The following OGDHL variants were observed in gnomAD, a reference collection of about 807,000 sequenced individuals.
OGDHL encodes 2-oxoglutarate dehydrogenase-like, mitochondrial.
OGDHL carries 79 observed loss-of-function variants against 109.6 expected under a neutral mutation model. The ratio of observed to expected loss-of-function variants is 0.72; its 90% CI spans 0.60 to 0.87. OGDHL has a LOEUF of 0.87. Among genes scored for constraint, OGDHL ranks in the 40% least tolerant of loss-of-function variants. The probability of loss-of-function intolerance (pLI) is 0.00; values close to 1 mark genes in which losing one functional copy is unlikely to be tolerated. For synonymous variants in OGDHL, 528 were observed against 537.2 expected (o/e 0.98, Z 0.24); for missense variants, 1,275 against 1,362.2 (o/e 0.94, Z 1.01).
Position 49,750,971 on chromosome 10 carries a change from A to T in OGDHL, c.764T>A (p.Leu255Gln). 6.2e-7 allele frequency: 1 copy of T among 1,605,542 alleles called. No individual in the cohort carries two copies. Among genetic ancestry groups the T allele is most frequent in the Non-Finnish European group, 8.5e-7 (1 of 1,174,444 alleles). Residue 255 changes from leucine (L) to glutamine (Q), a missense_variant, in exon 7 of 23, where the codon CTG (leucine) becomes CAG (glutamine). Leu to Gln is a moderately radical substitution (Grantham distance 113). Transcript: ENST00000374103. The part of the protein sequence containing the change: ...LVRSMRFEDF[L>Q]ARKWSSEKRF... Reference sequence around the variant, plus strand: ...CTTCTCTGAGGACCATTTCCGGGCCAGGAAGTCTTCAAACCTGCTTGGGGA... The same window carrying T: ...CTTCTCTGAGGACCATTTCCGGGCCTGGAAGTCTTCAAACCTGCTTGGGGA...
At chr10:49,758,218 G>A (rs2132267802) in intron 2 of OGDHL, among the ~76,000 whole-genome samples, 171 bp downstream of exon 2, 1 of 152,332 alleles carries the variant, frequency 6.6e-6, no homozygotes, top group Non-Finnish European at 1.5e-5. Context: ...CCCACTGGCT[G>A]ATTCAGCAAA....
At chr10:49,750,607 G>A (rs1829324377) in intron 7 of OGDHL, among the ~76,000 whole-genome samples, 1 of 152,206 alleles carries the variant, frequency 6.6e-6, no homozygotes, top group Non-Finnish European at 1.5e-5. Flanking sequence ...CATGGCCAGG[G>A]AGAGAGGGTG....
rs1286214668 is a variant in OGDHL at position 49,752,180 on chromosome 10, C to A, written c.547G>T (p.Gly183Cys). The A allele has an allele frequency of 1.9e-6, 3 of 1,614,020 alleles. No individual in the cohort carries two copies. In the Admixed American group the frequency reaches 5.0e-5, roughly 27 times the overall value. ...FQLPTTTFIG[G>C]SENTLSLREI... The stretch of plus-strand genomic sequence containing the variant: ...CGCAGAGAGAGGGTGTTTTCAGAGC[C>A]CCCAATGAAGGTGGTTGTCGGCAGC... Residue 183 changes from glycine (G) to cysteine (C), a missense_variant, in exon 5 of 23, where the codon GGC becomes TGC. Gly to Cys is a radical substitution (Grantham distance 159). Transcript: ENST00000374103.
chr10:49,762,018 G>C (rs1359801251), intron 1 of OGDHL, among the ~76,000 whole-genome samples: 3 of 152,166 alleles, frequency 2.0e-5, no homozygotes, highest in African/African-American at 7.2e-5. Flanking sequence ...CGGGTGGTAC[G>C]CGCGCGATGG....
At chr10:49,760,737 T>A (rs1843220899) in intron 1 of OGDHL, among the ~76,000 whole-genome samples, 1 of 152,234 alleles carries the variant, frequency 6.6e-6, no homozygotes, top group Non-Finnish European at 1.5e-5. Context: ...TGCAAGAGGC[T>A]AAGCTGGCTA....
chr10:49,756,611 T>G, intron 3 of OGDHL, 165 bp downstream of exon 3: 1 of 607,960 alleles, frequency 1.6e-6, no homozygotes, highest in Non-Finnish European at 2.7e-6. Flanking sequence ...CTCTGAATGG[T>G]GATGTGGCAA....
At position 49,758,588 on chromosome 10, in the gene OGDHL, C is replaced by T. The variant is rs780968077; in HGVS notation, c.5G>A (p.Ser2Asn). The T allele has an allele frequency of 3.7e-6, 6 of 1,613,624 alleles. No homozygotes were observed. The Admixed American group carries it at 1.0e-4, about 27-fold the overall frequency. The change falls in exon 2 of 23, where the codon AGT becomes AAT. Residue 2 changes from serine (S) to asparagine (N), a missense_variant. Ser to Asn is a conservative substitution (Grantham distance 46). Transcript: ENST00000374103. M[S>N]QLRLLPSRLG... ...ACGGGACGGCAGCAGCCTCAGCTGA[C>T]TCATTCTGGACACAGGCAATGAAGG...
chr10:49,751,213 C>T (rs574149289), intron 6 of OGDHL, among the ~76,000 whole-genome samples: 3 of 152,244 alleles, frequency 2.0e-5, no homozygotes, highest in African/African-American at 7.2e-5. Context: ...CTGAACCAAA[C>T]GCCTCTGCCT....
chr10:49,743,022 C>A (rs1841905321), intron 14 of OGDHL, 44 bp from the exon 15 acceptor site: 3 of 1,599,480 alleles, frequency 1.9e-6, no homozygotes, highest in Non-Finnish European at 2.6e-6. Context: ...GGACAGCCAG[C>A]CCTGGGGCGG....
At chr10:49,758,772 G>A (rs1288938789) in intron 1 of OGDHL, 179 bp from the exon 2 acceptor site, 3 of 646,556 alleles carry the variant, frequency 4.6e-6, no homozygotes, top group African/African-American at 1.8e-5. Flanking sequence ...ACTGTCTGGT[G>A]GAAGCTCCCA....
intron 3 of OGDHL, 61 bp from the exon 4 acceptor site, chr10:49,752,801 G>A: frequency 8.2e-7 from 1 of 1,213,844 alleles, no homozygotes; most frequent in Non-Finnish European, 1.2e-6. Flanking sequence ...CTCCTCCAGG[G>A]TAAGGCTCTG....
intron 3 of OGDHL, among the ~76,000 whole-genome samples, chr10:49,755,007 G>A (rs1303661869): frequency 6.6e-6 from 1 of 152,182 alleles, no homozygotes; most frequent in Non-Finnish European, 1.5e-5. Flanking sequence ...ACTTTGGGAG[G>A]CCAAGGCGGG....
chr10:49,748,336 G>A (rs1394119892), intron 8 of OGDHL, among the ~76,000 whole-genome samples: 1 of 152,186 alleles, frequency 6.6e-6, no homozygotes, highest in Non-Finnish European at 1.5e-5. Context: ...TGGCCTCTTA[G>A]AAATAAGGTT....
rs1257243912 is a variant in OGDHL at position 49,737,945 on chromosome 10, A to G, written c.2517+2T>C. On this transcript the variant is annotated splice_donor_variant, in intron 19 of 22. Transcript: ENST00000374103. LOFTEE classifies it high-confidence loss of function. ...GACCCCTGCCCTGGGACGGAGACTC[A>G]CCGGCTTGCGGAAGGGCAGCAGGAT... The G allele has an allele frequency of 1.2e-6, 2 of 1,613,920 alleles. No individual in the cohort carries two copies. Among genetic ancestry groups the G allele is most frequent in the African/African-American group, 2.7e-5 (2 of 74,880 alleles).
chr10:49,738,169 T>G, intron 18 of OGDHL, 22 bp downstream of exon 18: 9 of 1,614,098 alleles, frequency 5.6e-6, no homozygotes, highest in Non-Finnish European at 6.8e-6. Flanking sequence ...GTCCCTGTCC[T>G]GGGGACAGCA....
rs1479355030 is a variant in OGDHL, at chr10:49,749,784, C to T, written c.929G>A (p.Arg310His). Residue 310 changes from arginine to histidine, a missense_variant, in exon 8 of 23, where the codon CGC becomes CAC. Arg to His is a conservative substitution (Grantham distance 29). Coordinates refer to ENST00000374103, the MANE Select transcript of OGDHL (RefSeq NM_018245.3). ...GRLNVLANVI[R>H]KDLEQIFCQF... is the part of the protein sequence containing the mutation. ...GCAGAAGATCTGCTCCAGGTCCTTG[C>T]GGATCACGTTGGCCAGCACGTTCAG... is the stretch of plus-strand genomic sequence containing the variant. 1.3e-5 allele frequency: 21 copies of T among 1,600,620 alleles called. No individual in the cohort carries two copies. Among genetic ancestry groups the T allele is most frequent in the East Asian group, 4.5e-5 (2 of 44,572 alleles).
Position 49,752,896 on chromosome 10 carries a change from C to A in OGDHL, c.376-156G>T, listed in dbSNP as rs193289788. The stretch of plus-strand genomic sequence containing the variant: ...GGCTACTTCACTGCTGCCTGCGAGA[C>A]CCCAGCCACAGCCAGTAAGGTGGCA... On this transcript the variant is annotated intron_variant, in intron 3 of 22. Transcript: ENST00000374103. Among the ~76,000 whole-genome samples, 143 of 152,360 alleles carry A rather than the reference C, an allele frequency of 9.4e-4. No individual in the cohort carries two copies. In the Middle Eastern group the frequency reaches 0.02, roughly 22 times the overall value.
At chr10:49,749,317 G>A (rs553226605) in intron 8 of OGDHL, among the ~76,000 whole-genome samples, 2 of 152,274 alleles carry the variant, frequency 1.3e-5, no homozygotes, top group South Asian at 4.2e-4. Flanking sequence ...CAGGTCGATG[G>A]GTACGGAAAA....
At chr10:49,759,524 A>C (rs1204339729) in intron 1 of OGDHL, among the ~76,000 whole-genome samples, 1 of 358 alleles carries the variant, frequency 2.8e-3, no homozygotes, top group Non-Finnish European at 5.7e-3. Flanking sequence ...TAAGAGTTCT[A>C]AGAGCCCTCT....
Sources: allele counts gnomAD v4.1 joint callset (sites outside exome capture counted in the v4.1 genomes callset), GRCh38; gene constraint gnomAD v4.1.1; transcripts MANE v1.5; gene names NCBI Gene and HGNC (gene_info 2026-07-23, HGNC 2026-07-21).